LYPLAL1: variants seen among roughly 807,000 people sequenced by gnomAD.
The protein encoded by LYPLAL1 is lysophospholipase-like protein 1.
A neutral mutation model predicts 19.7 loss-of-function variants in LYPLAL1; 23 were observed. That is an observed-to-expected ratio of 1.17 (90% CI 0.84 to 1.65). The LOEUF is 1.65. Ranked by LOEUF, LYPLAL1 falls within the 40% of genes most tolerant of loss-of-function variation. LYPLAL1 has a pLI of 0.00. For missense variants in LYPLAL1, 355 were observed against 279.4 expected (o/e 1.27, Z -1.93); for synonymous variants, 119 against 96.3 (o/e 1.24, Z -1.38).
intron 3 of LYPLAL1, chr1:219,200,569 A>G (rs374005477): frequency 6.2e-6 from 1 of 162,250 alleles, no homozygotes; most frequent in African/African-American, 2.4e-5. Flanking sequence ...ATACCACATC[A>G]TCCATCACCA....
At chr1:219,389,531 G>T in the LYPLAL1 span, among the ~76,000 whole-genome samples, 6 of 152,128 alleles carry the variant, frequency 3.9e-5, no homozygotes, top group Non-Finnish European at 7.4e-5. Flanking sequence ...CCCCTTAAAA[G>T]GGGAAAATTT....
At chr1:219,276,808 G>A in the LYPLAL1 span, among the ~76,000 whole-genome samples, 1 of 152,154 alleles carries the variant, frequency 6.6e-6, no homozygotes. Context: ...TTCCCCCAAA[G>A]GACACATATG....
the LYPLAL1 span, among the ~76,000 whole-genome samples, chr1:219,243,993 A>G: frequency 6.6e-6 from 1 of 152,060 alleles, no homozygotes; most frequent in East Asian, 1.9e-4. Context: ...AAATCCAACA[A>G]AATGACCAAA....
At chr1:219,229,559 CTCTG>C in the LYPLAL1 span, among the ~76,000 whole-genome samples, 1 of 152,202 alleles carries the variant, frequency 6.6e-6, no homozygotes, top group Non-Finnish European at 1.5e-5. Context: ...ACAGAAATCT[CTCTG>C]TCCTAGCGAC....
chr1:219,310,131 T>C, the LYPLAL1 span, among the ~76,000 whole-genome samples: 1 of 152,208 alleles, frequency 6.6e-6, no homozygotes, highest in Non-Finnish European at 1.5e-5. Context: ...ACTCCAAGTC[T>C]GTTACCTCAT....
the LYPLAL1 span, among the ~76,000 whole-genome samples, chr1:219,442,388 A>G: frequency 6.6e-6 from 1 of 152,206 alleles, no homozygotes; most frequent in Non-Finnish European, 1.5e-5. Flanking sequence ...CTGGCTTTGC[A>G]GGAAAAGAAA....
the LYPLAL1 span, among the ~76,000 whole-genome samples, chr1:219,288,945 C>G: frequency 0.014 from 2,185 of 152,258 alleles, 18 homozygotes; most frequent in Middle Eastern, 0.031. Flanking sequence ...TAGGCACGCT[C>G]TCATTTAAAT....
At chr1:219,339,177 G>A in the LYPLAL1 span, among the ~76,000 whole-genome samples, 79 of 152,000 alleles carry the variant, frequency 5.2e-4, no homozygotes, top group African/African-American at 1.8e-3. Flanking sequence ...CCCTGCGTAA[G>A]TCATAGAGAG....
the LYPLAL1 span, among the ~76,000 whole-genome samples, chr1:219,373,883 A>AC: frequency 0.086 from 234 of 2,734 alleles, no homozygotes; most frequent in Admixed American, 0.12. Context: ...AAAAAAAAAC[A>AC]AAAAAAAAAA....
intron 2 of LYPLAL1, among the ~76,000 whole-genome samples, chr1:219,184,807 T>G (rs980949145): frequency 6.6e-6 from 1 of 151,930 alleles, no homozygotes; most frequent in African/African-American, 2.4e-5. Flanking sequence ...ATTATCCTTT[T>G]TATATGTATC....
At chr1:219,377,677 T>A in the LYPLAL1 span, among the ~76,000 whole-genome samples, 2 of 152,122 alleles carry the variant, frequency 1.3e-5, no homozygotes, top group African/African-American at 4.8e-5. Context: ...CTAAAATATT[T>A]ATTGTAAATC....
At chr1:219,277,194 T>C in the LYPLAL1 span, among the ~76,000 whole-genome samples, 1 of 152,168 alleles carries the variant, frequency 6.6e-6, no homozygotes, top group East Asian at 1.9e-4. Flanking sequence ...TAATCTTCTG[T>C]AATCCCCAAT....
rs1432050796 is a variant in LYPLAL1 at position 219,211,615 on chromosome 1, A to G, written c.601A>G (p.Thr201Ala). ...NSMLKSLGVT[T>A]KFHSFPNVYH... ...AATGTTAAAATCTCTAGGAGTGACC[A>G]CGAAGTTTCATAGTTTTCCAAATGT... Residue 201 changes from threonine (T) to alanine (A), a missense_variant, in exon 5 of 5, where the codon ACG (threonine) becomes GCG (alanine). Thr to Ala is a moderately conservative substitution (Grantham distance 58, BLOSUM62 0). Transcript: ENST00000366928. 3 of 1,613,352 alleles carry G rather than the reference A, an allele frequency of 1.9e-6. No homozygotes were observed. The highest frequency in any genetic ancestry group is 2.5e-6 in the Non-Finnish European group (3 of 1,179,594).
chr1:219,307,087 G>A, the LYPLAL1 span, among the ~76,000 whole-genome samples: 1 of 149,548 alleles, frequency 6.7e-6, no homozygotes, highest in African/African-American at 2.5e-5. Flanking sequence ...TTTCTTATAG[G>A]ATCATAAACT....
chr1:219,346,917 T>A, the LYPLAL1 span, among the ~76,000 whole-genome samples: 2 of 152,216 alleles, frequency 1.3e-5, no homozygotes, highest in Non-Finnish European at 2.9e-5. Flanking sequence ...TAATTTGAAA[T>A]GTATTTTAAC....
At chr1:219,290,962 A>G in the LYPLAL1 span, among the ~76,000 whole-genome samples, 1 of 152,214 alleles carries the variant, frequency 6.6e-6, no homozygotes, top group South Asian at 2.1e-4. Context: ...CAAATCCTAT[A>G]TCTACTATTA....
At chr1:219,385,649 T>C in the LYPLAL1 span, among the ~76,000 whole-genome samples, 1 of 152,098 alleles carries the variant, frequency 6.6e-6, no homozygotes. Context: ...CTGCATTAGT[T>C]TAATTTCTTT....
chr1:219,396,565 C>G, the LYPLAL1 span, among the ~76,000 whole-genome samples: 1 of 151,994 alleles, frequency 6.6e-6, no homozygotes, highest in African/African-American at 2.4e-5. Flanking sequence ...AATATTTTTC[C>G]GTTTGTTAGT....
chr1:219,367,985 C>G, the LYPLAL1 span, among the ~76,000 whole-genome samples: 1 of 146,024 alleles, frequency 6.8e-6, no homozygotes, highest in Admixed American at 6.9e-5. Context: ...TGGATTTGCT[C>G]TCTCCAATTA....
Sources: allele counts gnomAD v4.1 joint callset (sites outside exome capture counted in the v4.1 genomes callset), GRCh38; gene constraint gnomAD v4.1.1; transcripts MANE v1.5; gene names NCBI Gene and HGNC (gene_info 2026-07-23, HGNC 2026-07-21).